ZNF717: variants seen among roughly 807,000 people sequenced by gnomAD.
The protein encoded by ZNF717 is zinc finger protein 717.
ZNF717 carries 9 observed loss-of-function variants against 13.8 expected under a neutral mutation model. That is an observed-to-expected ratio of 0.65 (90% CI 0.39 to 1.14). The LOEUF (loss-of-function observed/expected upper bound fraction) is 1.14. ZNF717 is among the 50% of genes most tolerant of loss of function. The pLI, the probability that ZNF717 is intolerant of heterozygous loss-of-function variation, is 0.01. For missense variants in ZNF717, 1,040 were observed against 1,080.7 expected (o/e 0.96, Z 0.53); for synonymous variants, 327 against 364.1 (o/e 0.90, Z 1.16).
chr3:75,753,115 C>CT (rs1005018958), intron 2 of ZNF717, among the ~76,000 whole-genome samples: 2 of 116,446 alleles, frequency 1.7e-5, no homozygotes, highest in Non-Finnish European at 3.6e-5. Context: ...GTCTGAATAT[C>CT]TGTCCGTTAC....
intron 2 of ZNF717, among the ~76,000 whole-genome samples, chr3:75,758,916 T>C (rs1311419870): frequency 3.9e-5 from 6 of 152,124 alleles, no homozygotes; most frequent in Admixed American, 2.6e-4. Context: ...GGTGGGGGTT[T>C]GATTGAGCAG....
At chr3:75,722,152 C>T (rs1246610368) in intron 4 of ZNF717, among the ~76,000 whole-genome samples, 2 of 150,874 alleles carry the variant, frequency 1.3e-5, no homozygotes, top group Admixed American at 6.6e-5. Flanking sequence ...CCCAGCTACT[C>T]GGGAGGCTGA....
At chr3:75,720,764 C>T (rs141374612) in intron 4 of ZNF717, among the ~76,000 whole-genome samples, 1 of 152,208 alleles carries the variant, frequency 6.6e-6, no homozygotes, top group African/African-American at 2.4e-5. Flanking sequence ...AGGAGGATCA[C>T]TTGAGGCCAG....
chr3:75,773,169 T>C (rs544885568), intron 2 of ZNF717, among the ~76,000 whole-genome samples: 55 of 152,282 alleles, frequency 3.6e-4, no homozygotes, highest in African/African-American at 1.2e-3. Flanking sequence ...TCTACCCCAT[T>C]GTTTCATTTT....
intron 5 of ZNF717, among the ~76,000 whole-genome samples, chr3:75,714,869 T>A (rs1938014939): frequency 6.6e-6 from 1 of 152,220 alleles, no homozygotes; most frequent in Non-Finnish European, 1.5e-5. Flanking sequence ...TCTGAATCAC[T>A]ACACCAGATT....
At chr3:75,776,726 G>C (rs1944354393) in intron 2 of ZNF717, among the ~76,000 whole-genome samples, 1 of 152,186 alleles carries the variant, frequency 6.6e-6, no homozygotes, top group African/African-American at 2.4e-5. Flanking sequence ...AGCTAACAAG[G>C]ACAGTTTCTC....
At chr3:75,744,107 G>C (rs1337028841) in intron 2 of ZNF717, among the ~76,000 whole-genome samples, 2 of 152,380 alleles carry the variant, frequency 1.3e-5, no homozygotes, top group South Asian at 2.1e-4. Flanking sequence ...AAGAGAAATA[G>C]ACTGTGAAGA....
chr3:75,732,943 ATC>A (rs1387617950), downstream of ZNF717, among the ~76,000 whole-genome samples: 1 of 151,938 alleles, frequency 6.6e-6, no homozygotes, highest in Non-Finnish European at 1.5e-5. Flanking sequence ...TTAAAAAAAA[ATC>A]TCTGAGTAGT....
chr3:75,770,824 T>A (rs537030549), intron 2 of ZNF717, among the ~76,000 whole-genome samples: 1 of 152,040 alleles, frequency 6.6e-6, no homozygotes, highest in South Asian at 2.1e-4. Flanking sequence ...ACTAAAGAGG[T>A]CTAAGCTGTA....
intron 2 of ZNF717, among the ~76,000 whole-genome samples, chr3:75,766,262 CCA>C (rs1943459649): frequency 2.0e-5 from 3 of 151,922 alleles, no homozygotes; most frequent in Admixed American, 1.3e-4. Context: ...AATATGGCAT[CCA>C]CAGAGACACA....
chr3:75,702,657 G>A lies in ZNF717; in HGVS notation n.1085+8530C>T, dbSNP rs1300257259. Among the ~76,000 whole-genome samples, 4 of 152,370 alleles carry A rather than the reference G, an allele frequency of 2.6e-5. No homozygotes were observed. In the East Asian group the frequency reaches 5.8e-4, roughly 22 times the overall value. On this transcript the variant is annotated intron_variant and non_coding_transcript_variant, in intron 6 of 6. Transcript: ENST00000648506. Reference sequence around the variant, plus strand: ...ATAACACAAGCTATAAATGCTTGAGGGATGGATACACCATTTTTTATTATG... The same window carrying A: ...ATAACACAAGCTATAAATGCTTGAGAGATGGATACACCATTTTTTATTATG...
chr3:75,732,609 G>A (rs1303915917), downstream of ZNF717, among the ~76,000 whole-genome samples: 23 of 152,304 alleles, frequency 1.5e-4, no homozygotes, highest in South Asian at 6.2e-4. Context: ...CACCATCTAC[G>A]AGGAATGGGT....
chr3:75,775,245 T>C (rs1288710996), intron 2 of ZNF717, among the ~76,000 whole-genome samples: 1 of 152,244 alleles, frequency 6.6e-6, no homozygotes, highest in Admixed American at 6.5e-5. Flanking sequence ...ATTACAGGCA[T>C]GAGCCACCAC....
At position 75,750,584 on chromosome 3, in the gene ZNF717, G is replaced by A. The variant is rs1250283944; in HGVS notation, c.58-8848C>T. On this transcript the variant is annotated intron_variant, in intron 2 of 4. Coordinates refer to ENST00000652011, the MANE Select transcript of ZNF717 (RefSeq NM_001290208.3). Reference sequence around the variant, plus strand: ...ATAGGATTCCAGAACACTGCTACGAGAGTCCAAATGTTTGCCCCTCCAACA... The same window carrying A: ...ATAGGATTCCAGAACACTGCTACGAAAGTCCAAATGTTTGCCCCTCCAACA... 2.0e-5 allele frequency among the ~76,000 whole-genome samples: 3 copies of A among 150,378 alleles called. No homozygotes were observed. The East Asian group carries it at 5.9e-4, about 30-fold the overall frequency.
chr3:75,699,342 CA>C (rs1201425466), intron 6 of ZNF717, among the ~76,000 whole-genome samples: 1 of 152,428 alleles, frequency 6.6e-6, no homozygotes, highest in East Asian at 1.9e-4. Context: ...TTGCAATGGC[CA>C]GGGGCAAAAT....
intron 2 of ZNF717, among the ~76,000 whole-genome samples, chr3:75,778,314 G>A (rs575892363): frequency 6.6e-6 from 1 of 151,684 alleles, no homozygotes; most frequent in Non-Finnish European, 1.5e-5. Flanking sequence ...GGAGTGATCT[G>A]CTAAAACCGG....
intron 2 of ZNF717, among the ~76,000 whole-genome samples, chr3:75,753,167 C>T (rs79731713): frequency 1.7e-4 from 25 of 148,614 alleles, no homozygotes; most frequent in Non-Finnish European, 3.4e-4. Context: ...GAATGTCTGT[C>T]CCTCACATAG....
chr3:75,756,382 A>G lies in ZNF717; in HGVS notation c.58-14646T>C, dbSNP rs147536172. Among the ~76,000 whole-genome samples the G allele has an allele frequency of 2.8e-4, 43 of 152,366 alleles. No individual in the cohort carries two copies. The East Asian group carries it at 7.9e-3, about 28-fold the overall frequency. Reference sequence around the variant, plus strand: ...AGCCTCTATGTGTTCAAGTGAAAGAAGAGTTGCATGTCTGCCACTTTAAAC... The same window carrying G: ...AGCCTCTATGTGTTCAAGTGAAAGAGGAGTTGCATGTCTGCCACTTTAAAC... On this transcript the variant is annotated intron_variant, in intron 2 of 4. Coordinates refer to ENST00000652011, the MANE Select transcript of ZNF717 (RefSeq NM_001290208.3).
chr3:75,720,601 T>C (rs78504865), intron 4 of ZNF717, among the ~76,000 whole-genome samples: 9 of 152,250 alleles, frequency 5.9e-5, no homozygotes, highest in Non-Finnish European at 1.3e-4. Flanking sequence ...TATACCCTTA[T>C]AACAAATCTG....
Sources: allele counts gnomAD v4.1 joint callset (sites outside exome capture counted in the v4.1 genomes callset), GRCh38; gene constraint gnomAD v4.1.1; transcripts MANE v1.5; gene names NCBI Gene and HGNC (gene_info 2026-07-23, HGNC 2026-07-21).